Variants in PCDHGB6 observed in about 807,000 individuals in gnomAD.
PCDHGB6 encodes the protein protocadherin gamma-B6.
Under a neutral mutation model 59.1 loss-of-function variants are expected in PCDHGB6, and 51 were observed. The ratio of observed to expected loss-of-function variants is 0.86; its 90% CI spans 0.69 to 1.09. PCDHGB6 has a LOEUF of 1.09. PCDHGB6 is among the 50% of genes least tolerant of loss of function. The probability of loss-of-function intolerance (pLI) is 0.00; values close to 1 mark genes in which losing one functional copy is unlikely to be tolerated. For synonymous variants in PCDHGB6, 466 were observed against 495.1 expected (o/e 0.94, Z 0.78); for missense variants, 1,148 against 1,205.1 (o/e 0.95, Z 0.70).
chr5:141,423,184 C>G (rs747938944), intron 1 of PCDHGB6: 3 of 1,613,560 alleles, frequency 1.9e-6, no homozygotes, highest in Non-Finnish European at 2.5e-6. Context: ...CCACGGCCAG[C>G]CCCCTCTCTC....
intron 2 of PCDHGB6, among the ~76,000 whole-genome samples, chr5:141,497,603 G>A (rs1045138662): frequency 3.3e-5 from 5 of 149,832 alleles, no homozygotes; most frequent in Non-Finnish European, 7.4e-5. Context: ...GCAGTGGTGC[G>A]ATCTTGGCTC....
In PCDHGB6 at chr5:141,478,136, C is replaced by G. The variant is rs529858044; in HGVS notation, c.2419-16671C>G. 1.4e-4 allele frequency: 218 copies of G among 1,614,048 alleles called. 3 individuals are homozygous for G. The South Asian group carries it at 2.2e-3, about 17-fold the overall frequency. ...AGTAACCGAGGACTCTCCTGAAGCC[C>G]GAGCCGAGTTCCCCTCTGGCTCTGC... is the stretch of plus-strand genomic sequence containing the variant. On this transcript the variant is annotated intron_variant, in intron 1 of 3. Coordinates refer to ENST00000520790, the MANE Select transcript of PCDHGB6 (RefSeq NM_018926.3).
intron 3 of PCDHGB6, among the ~76,000 whole-genome samples, chr5:141,507,856 A>T (rs1200072170): frequency 1.3e-5 from 2 of 151,926 alleles, no homozygotes; most frequent in Non-Finnish European, 2.9e-5. Flanking sequence ...TCTCACTTTC[A>T]CACCCGCTTC....
At chr5:141,469,994 C>T (rs948868787) in intron 1 of PCDHGB6, among the ~76,000 whole-genome samples, 2 of 151,830 alleles carry the variant, frequency 1.3e-5, no homozygotes, top group Non-Finnish European at 1.5e-5. Flanking sequence ...AGCTGGTCGT[C>T]GTGGCACGCC....
chr5:141,508,910 A>T (rs2099872999), intron 3 of PCDHGB6, among the ~76,000 whole-genome samples: 1 of 151,906 alleles, frequency 6.6e-6, no homozygotes, highest in Non-Finnish European at 1.5e-5. Context: ...GCGGTGGCGG[A>T]TCTGGCTTCC....
At chr5:141,478,816 A>G in intron 1 of PCDHGB6, 1 of 1,450,826 alleles carries the variant, frequency 6.9e-7, no homozygotes, top group Non-Finnish European at 9.1e-7. Context: ...TATCACAACT[A>G]ACCAATCTTG....
intron 1 of PCDHGB6, among the ~76,000 whole-genome samples, chr5:141,453,101 T>TTTTTG (rs879618609): frequency 3.2e-4 from 49 of 152,130 alleles, no homozygotes; most frequent in Middle Eastern, 6.8e-3. Flanking sequence ...TTCTGTTGCT[T>TTTTTG]TTTTGTTTTG....
Position 141,431,721 on chromosome 5 carries a change from C to T in PCDHGB6, c.2418+21101C>T. The T allele has an allele frequency of 1.2e-6, 2 of 1,614,246 alleles. No homozygotes were observed. Among genetic ancestry groups the T allele is most frequent in the Non-Finnish European group, 1.7e-6 (2 of 1,180,044 alleles). On this transcript the variant is annotated intron_variant, in intron 1 of 3. Transcript: ENST00000520790. The surrounding 1 kb of genome is among the most constrained non-coding windows in gnomAD (Gnocchi z 4.8). ...GGATTCTACCAGATGGAAGTGCAAGCAATGGATAATGCAGGATATTCTGCG... is the reference window on the plus strand; with the variant it reads ...GGATTCTACCAGATGGAAGTGCAAGTAATGGATAATGCAGGATATTCTGCG...
In PCDHGB6 at chr5:141,432,785, G is replaced by A. The variant is rs1356593437; in HGVS notation, c.2418+22165G>A. 2.5e-6 allele frequency: 4 copies of A among 1,613,992 alleles called. No individual in the cohort carries two copies. The African/African-American group carries it at 4.0e-5, about 16-fold the overall frequency. On this transcript the variant is annotated intron_variant, in intron 1 of 3. Transcript: ENST00000520790. The surrounding 1 kb of genome is among the most constrained non-coding windows in gnomAD (Gnocchi z 6.0). ...CATCCCCCAAGTCCTGGCGGACCTC[G>A]GCAGCCTCGAGTCTCCAGCTAACTC...
At position 141,489,077 on chromosome 5, in the gene PCDHGB6, C is replaced by T. The variant is rs957205894; in HGVS notation, c.2419-5730C>T. 7 of 325,682 alleles carry T rather than the reference C, an allele frequency of 2.1e-5. 1 individual carries two copies. Among genetic ancestry groups the T allele is most frequent in the South Asian group, 1.5e-4 (3 of 20,214 alleles). 20.2% of individuals were successfully genotyped at this position (325,682 alleles called of 1,614,324 possible). The stretch of plus-strand genomic sequence containing the variant: ...AGCTCCCCTCCCCCCTGCCCACCCC[C>T]GCCACTCGGTGACTAAGAACTGCTG... On this transcript the variant is annotated intron_variant, in intron 1 of 3. Transcript: ENST00000520790. This position sits in a 1 kb window ranked among gnomAD's most constrained non-coding sequence, Gnocchi z 4.5.
chr5:141,500,271 C>T (rs936454651), intron 2 of PCDHGB6, among the ~76,000 whole-genome samples: 3 of 151,598 alleles, frequency 2.0e-5, no homozygotes, highest in African/African-American at 7.3e-5. Flanking sequence ...TGCAGTGGCG[C>T]AATCTCGGCT....
At chr5:141,483,917 T>A (rs565465724) in intron 1 of PCDHGB6, among the ~76,000 whole-genome samples, 2 of 151,262 alleles carry the variant, frequency 1.3e-5, no homozygotes, top group South Asian at 4.2e-4. Context: ...CCCACTCAGA[T>A]TGCAGGTCGT....
At chr5:141,423,773 T>A in intron 1 of PCDHGB6, 6 of 901,238 alleles carry the variant, frequency 6.7e-6, no homozygotes, top group Non-Finnish European at 7.3e-6. Flanking sequence ...GGGCGGCATA[T>A]ATTTAGTTCA....
At chr5:141,418,130 G>A in intron 1 of PCDHGB6, 3 of 1,614,106 alleles carry the variant, frequency 1.9e-6, no homozygotes, top group Non-Finnish European at 2.5e-6. Flanking sequence ...GGACCGAATA[G>A]ACCGTGAGCA....
At chr5:141,480,738 T>C (rs2099524955) in intron 1 of PCDHGB6, among the ~76,000 whole-genome samples, 1 of 152,124 alleles carries the variant, frequency 6.6e-6, no homozygotes, top group Admixed American at 6.5e-5. Flanking sequence ...GGGTGGGACA[T>C]AGGCATCATT....
chr5:141,417,507 A>G (rs573832786), intron 1 of PCDHGB6: 1 of 234,942 alleles, frequency 4.3e-6, no homozygotes, highest in Non-Finnish European at 8.1e-6. Context: ...AAAGATTAAA[A>G]TATTTTGGCT....
chr5:141,491,871 C>T lies in PCDHGB6; in HGVS notation c.2419-2936C>T, dbSNP rs1222191027. 2.1e-6 allele frequency: 3 copies of T among 1,451,434 alleles called. No individual in the cohort carries two copies. Among genetic ancestry groups the T allele is most frequent in the Non-Finnish European group, 2.7e-6 (3 of 1,098,418 alleles). 89.9% of individuals were successfully genotyped at this position (1,451,434 alleles called of 1,614,324 possible). ...ACCGTTTGCGCGAAACCAGAGTGGC[C>T]GATTAAGGGATGGGGCTCCGAGCAC... On this transcript the variant is annotated intron_variant, in intron 1 of 3. Transcript: ENST00000520790. The surrounding 1 kb of genome is among the most constrained non-coding windows in gnomAD (Gnocchi z 6.9).
chr5:141,422,314 C>G (rs1207977453), intron 1 of PCDHGB6: 2 of 1,547,838 alleles, frequency 1.3e-6, no homozygotes, highest in Non-Finnish European at 1.7e-6. Context: ...AAACTCTCCT[C>G]CAGGTACAGT....
intron 1 of PCDHGB6, among the ~76,000 whole-genome samples, chr5:141,472,437 G>A (rs1332528325): frequency 6.6e-6 from 1 of 152,116 alleles, no homozygotes; most frequent in Non-Finnish European, 1.5e-5. Flanking sequence ...CTACTAGGGA[G>A]GCTGAGGCAG....
Sources: allele counts gnomAD v4.1 joint callset (sites outside exome capture counted in the v4.1 genomes callset), GRCh38; gene constraint gnomAD v4.1.1; non-coding constraint Gnocchi (gnomAD v3.1); transcripts MANE v1.5; gene names NCBI Gene and HGNC (gene_info 2026-07-23, HGNC 2026-07-21).